LRBA: variants seen among roughly 807,000 people sequenced by gnomAD.
The protein encoded by LRBA is lipopolysaccharide-responsive and beige-like anchor protein.
A neutral mutation model predicts 330.0 loss-of-function variants in LRBA; 176 were observed. That is an observed-to-expected ratio of 0.53 (90% CI 0.47 to 0.60). The LOEUF (loss-of-function observed/expected upper bound fraction) is 0.60. Ranked by LOEUF, LRBA falls within the 20% of genes least tolerant of loss-of-function variation. The probability of loss-of-function intolerance (pLI) is 0.00; values close to 1 mark genes in which losing one functional copy is unlikely to be tolerated. For missense variants in LRBA, 3,259 were observed against 3,444.8 expected, an observed-to-expected ratio of 0.95 and a Z score of 1.35; for synonymous variants, 1,230 against 1,193.0, an observed-to-expected ratio of 1.03 and a Z score of -0.64.
chr4:150,986,666 A>G (rs1045799070), intron 2 of LRBA, among the ~76,000 whole-genome samples: 3 of 152,340 alleles, frequency 2.0e-5, no homozygotes, highest in Non-Finnish European at 4.4e-5. Flanking sequence ...TCATTCCATA[A>G]AGGGTAGCAA....
At chr4:150,830,583 C>T (rs1327490333) in intron 29 of LRBA, among the ~76,000 whole-genome samples, 3 of 151,932 alleles carry the variant, frequency 2.0e-5, no homozygotes, top group Non-Finnish European at 4.4e-5. Context: ...AGGGATAAAC[C>T]ATGCCCACCG....
intron 37 of LRBA, among the ~76,000 whole-genome samples, chr4:150,672,730 C>CTACGTGTTCTAGTTG (rs1782174057): frequency 6.6e-6 from 1 of 152,018 alleles, no homozygotes; most frequent in Admixed American, 6.6e-5. Flanking sequence ...AAAAGGAAAT[C>CTACGTGTTCTAGTTG]TAAACTACAC....
chr4:150,657,839 T>G (rs1780367160), intron 37 of LRBA, among the ~76,000 whole-genome samples: 1 of 152,166 alleles, frequency 6.6e-6, no homozygotes, highest in African/African-American at 2.4e-5. Context: ...AATATAAGAT[T>G]TAACAGTTTG....
At chr4:150,636,654 C>T (rs980940947) in intron 37 of LRBA, among the ~76,000 whole-genome samples, 3 of 152,100 alleles carry the variant, frequency 2.0e-5, no homozygotes, top group Non-Finnish European at 4.4e-5. Flanking sequence ...CAGCTGGGCA[C>T]GATGGCTCAT....
intron 17 of LRBA, among the ~76,000 whole-genome samples, chr4:150,886,156 G>A (rs1008027586): frequency 1.3e-5 from 2 of 152,108 alleles, no homozygotes; most frequent in African/African-American, 2.4e-5. Flanking sequence ...ACAAAAGCAG[G>A]TGCATTGTGT....
At chr4:150,825,132 T>C (rs1226119405) in intron 30 of LRBA, among the ~76,000 whole-genome samples, 1 of 152,042 alleles carries the variant, frequency 6.6e-6, no homozygotes, top group Non-Finnish European at 1.5e-5. Context: ...TATCAAAACT[T>C]ACAAACACAA....
intron 28 of LRBA, among the ~76,000 whole-genome samples, chr4:150,836,246 A>G (rs1286481534): frequency 6.6e-6 from 1 of 152,160 alleles, no homozygotes; most frequent in East Asian, 1.9e-4. Flanking sequence ...CATCAGGGAT[A>G]TTGGTCTAAA....
intron 36 of LRBA, among the ~76,000 whole-genome samples, chr4:150,700,344 G>A (rs150354954): frequency 3.7e-4 from 56 of 152,158 alleles, no homozygotes; most frequent in African/African-American, 1.3e-3. Flanking sequence ...AATGTTGTAG[G>A]CAACTATACC....
chr4:150,369,480 G>C (rs1383566334), intron 47 of LRBA, among the ~76,000 whole-genome samples: 1 of 151,932 alleles, frequency 6.6e-6, no homozygotes, highest in East Asian at 1.9e-4. Context: ...TGGCTCTAAT[G>C]GTTCAACAAC....
chr4:150,624,434 A>G (rs913863775), intron 37 of LRBA, among the ~76,000 whole-genome samples: 1 of 152,116 alleles, frequency 6.6e-6, no homozygotes, highest in Admixed American at 6.5e-5. Context: ...TCACTCATAC[A>G]AGGGCTTATG....
At chr4:150,271,733 A>T (rs1281765462) in intron 56 of LRBA, among the ~76,000 whole-genome samples, 1 of 152,174 alleles carries the variant, frequency 6.6e-6, no homozygotes, top group Admixed American at 6.5e-5. Context: ...GGTGTAAACA[A>T]AGCCTCTGGG....
chr4:151,003,045 C>CGTGTGTGTGTGTGTGT (rs35823392), intron 2 of LRBA, among the ~76,000 whole-genome samples: 1 of 147,218 alleles, frequency 6.8e-6, no homozygotes, highest in African/African-American at 2.5e-5. Context: ...TATGTGTTTG[C>CGTGTGTGTGTGTGTGT]GTGTGTGTGT....
intron 55 of LRBA, among the ~76,000 whole-genome samples, chr4:150,278,976 C>A (rs761563693): frequency 6.6e-6 from 1 of 152,078 alleles, no homozygotes; most frequent in African/African-American, 2.4e-5. Flanking sequence ...AGGTGCCCAC[C>A]ACAACACCCG....
chr4:150,927,797 G>A (rs72719689), intron 4 of LRBA, among the ~76,000 whole-genome samples: 7 of 152,266 alleles, frequency 4.6e-5, no homozygotes, highest in Non-Finnish European at 8.8e-5. Flanking sequence ...ACTGGAGTTT[G>A]AGAGAAATAT....
Position 150,592,144 on chromosome 4 carries a change from G to GTTTTTTT in LRBA, c.6047-1292_6047-1286dup, listed in dbSNP as rs10685627. Among the ~76,000 whole-genome samples the GTTTTTTT allele has an allele frequency of 2.0e-4, 13 of 65,190 alleles. 1 individual carries two copies. Among genetic ancestry groups the GTTTTTTT allele is most frequent in the African/African-American group, 4.8e-4 (7 of 14,526 alleles). The allele number at this position is 65,190 out of a possible 152,430, so 42.8% of individuals were successfully genotyped here. A position where few individuals can be genotyped will look rare whatever the true frequency, so the allele number is the denominator to read the frequency against. The stretch of plus-strand genomic sequence containing the variant: ...TTGATATGGAAATCGGATGGCTAGG[G>GTTTTTTT]TTTTTTTTTTTTTTTTTTTTTTTTT... On this transcript the variant is annotated intron_variant, in intron 38 of 56. Coordinates refer to ENST00000651943, the MANE Select transcript of LRBA (RefSeq NM_001364905.1).
chr4:150,958,734 A>G (rs1325025020), intron 2 of LRBA, among the ~76,000 whole-genome samples: 1 of 148,858 alleles, frequency 6.7e-6, no homozygotes, highest in African/African-American at 2.6e-5. Flanking sequence ...TCAAAATTCC[A>G]CAGACCTCTA....
At chr4:150,939,701 C>T (rs1735459514) in intron 2 of LRBA, among the ~76,000 whole-genome samples, 1 of 152,192 alleles carries the variant, frequency 6.6e-6, no homozygotes, top group Non-Finnish European at 1.5e-5. Context: ...AACCACGACC[C>T]AGAGACTCTG....
intron 44 of LRBA, among the ~76,000 whole-genome samples, chr4:150,444,359 C>G (rs1437306588): frequency 6.6e-6 from 1 of 152,042 alleles, no homozygotes; most frequent in African/African-American, 2.4e-5. Flanking sequence ...TCCTCCCCCA[C>G]CACTCTAGTG....
At chr4:150,932,069 G>C (rs1734563408) in intron 2 of LRBA, among the ~76,000 whole-genome samples, 1 of 151,946 alleles carries the variant, frequency 6.6e-6, no homozygotes, top group South Asian at 2.1e-4. Context: ...AGCAGGACAT[G>C]TCTCTAAAAA....
Sources: allele counts gnomAD v4.1 joint callset (sites outside exome capture counted in the v4.1 genomes callset), GRCh38; gene constraint gnomAD v4.1.1; transcripts MANE v1.5; gene names NCBI Gene and HGNC (gene_info 2026-07-23, HGNC 2026-07-21).